Variants in SPHKAP observed in about 807,000 individuals in gnomAD.
SPHKAP encodes A-kinase anchor protein SPHKAP.
SPHKAP carries 67 observed loss-of-function variants against 137.5 expected under a neutral mutation model. That is an observed-to-expected ratio of 0.49 (90% CI 0.40 to 0.60). The LOEUF (loss-of-function observed/expected upper bound fraction) is 0.60, where lower values mean the gene tolerates loss of function less well. Ranked by LOEUF, SPHKAP falls within the 20% of genes least tolerant of loss-of-function variation. The pLI is 0.00. For synonymous variants in SPHKAP, 813 were observed against 785.3 expected (o/e 1.04, Z -0.59); for missense variants, 2,097 against 2,069.3 (o/e 1.01, Z -0.26).
chr2:228,056,709 G>A (rs968943618), intron 3 of SPHKAP, among the ~76,000 whole-genome samples: 6 of 152,012 alleles, frequency 3.9e-5, no homozygotes, highest in African/African-American at 1.4e-4. Context: ...ATAGAGTATT[G>A]GCAAATGTGC....
chr2:228,130,519 G>A (rs930812581), intron 2 of SPHKAP, among the ~76,000 whole-genome samples: 2 of 152,172 alleles, frequency 1.3e-5, no homozygotes, highest in Admixed American at 6.5e-5. Context: ...AAGTAATGAT[G>A]AAACTGGCTG....
chr2:228,040,284 A>G (rs1285699321), intron 3 of SPHKAP, among the ~76,000 whole-genome samples: 2 of 152,180 alleles, frequency 1.3e-5, no homozygotes, highest in East Asian at 3.8e-4. Context: ...TGATTCACAA[A>G]GCGTCTAAAG....
At chr2:228,101,461 G>A (rs1355012925) in intron 3 of SPHKAP, among the ~76,000 whole-genome samples, 1 of 152,104 alleles carries the variant, frequency 6.6e-6, no homozygotes, top group Non-Finnish European at 1.5e-5. Context: ...GATGTCCAAA[G>A]TTTATTTCAC....
chr2:228,109,627 A>G (rs1473751660), intron 2 of SPHKAP, among the ~76,000 whole-genome samples: 3 of 152,176 alleles, frequency 2.0e-5, no homozygotes, highest in Admixed American at 2.0e-4. Flanking sequence ...GAGCTGAGAT[A>G]TTTTGAAGAT....
rs144403532 is a variant in SPHKAP at position 228,019,237 on chromosome 2, T to C, written c.1617A>G (p.Gln539=). 1.5e-5 allele frequency: 25 copies of C among 1,613,822 alleles called. No homozygotes were observed. The highest frequency in any genetic ancestry group is 2.0e-5 in the Non-Finnish European group (24 of 1,180,032). The stretch of plus-strand genomic sequence containing the variant: ...AAGGTTCCTTGAGTCCTTGGGGTGC[T>C]TGAGTTTGCAGTGCACCACTGCTCC... ...PPGSSGALQT[Q]APQGLKEPSI... Residue 539 remains glutamine (Q), a synonymous_variant, in exon 7 of 12, where the codon CAA becomes CAG. Coordinates refer to ENST00000392056, the MANE Select transcript of SPHKAP (RefSeq NM_001142644.2).
chr2:228,000,183 A>T (rs149090401), intron 7 of SPHKAP, among the ~76,000 whole-genome samples: 1 of 152,344 alleles, frequency 6.6e-6, no homozygotes, highest in African/African-American at 2.4e-5. Flanking sequence ...TAGCGTCTTA[A>T]GATTGGCAAC....
intron 1 of SPHKAP, among the ~76,000 whole-genome samples, chr2:228,141,015 A>T (rs4519515): frequency 5.1e-4 from 78 of 152,134 alleles, no homozygotes; most frequent in African/African-American, 1.8e-3. Flanking sequence ...CAGCCTAATA[A>T]GACAAGATTA....
chr2:227,984,053 C>A (rs1693111380), intron 11 of SPHKAP, among the ~76,000 whole-genome samples: 1 of 152,026 alleles, frequency 6.6e-6, no homozygotes, highest in Non-Finnish European at 1.5e-5. Context: ...GTAATCCTGG[C>A]ACTTTGGGAG....
intron 3 of SPHKAP, among the ~76,000 whole-genome samples, chr2:228,108,168 A>T (rs545127142): frequency 6.6e-6 from 1 of 152,302 alleles, no homozygotes; most frequent in South Asian, 2.1e-4. Context: ...AATCTCTGTA[A>T]TCATGACCCC....
chr2:228,039,747 CAG>C (rs1473214366), intron 3 of SPHKAP, among the ~76,000 whole-genome samples: 3 of 151,840 alleles, frequency 2.0e-5, no homozygotes, highest in Non-Finnish European at 4.4e-5. Flanking sequence ...CAGACAAAAT[CAG>C]TGCTTTTATA....
At chr2:228,022,243 G>T (rs1694867949) in intron 5 of SPHKAP, 1 of 964,730 alleles carries the variant, frequency 1.0e-6, no homozygotes, top group Non-Finnish European at 1.2e-6. Context: ...ATTCAACTGG[G>T]TAAAGTTAAA....
In SPHKAP at chr2:227,981,699, A is replaced by C; in HGVS notation, c.*18T>G. On this transcript the variant is annotated 3_prime_UTR_variant, in exon 12 of 12. Transcript: ENST00000392056. ...TTGGAATAAAGGGAAGGAATGATCTATACGGCAGACTGCCTTATTATCCCA... is the reference window on the plus strand; with the variant it reads ...TTGGAATAAAGGGAAGGAATGATCTCTACGGCAGACTGCCTTATTATCCCA... 2.5e-6 allele frequency: 4 copies of C among 1,610,538 alleles called. No individual in the cohort carries two copies. The highest frequency in any genetic ancestry group is 3.4e-6 in the Non-Finnish European group (4 of 1,178,326).
chr2:228,017,550 A>G lies in SPHKAP; in HGVS notation c.3304T>C (p.Leu1102=). The change falls in exon 7 of 12, where the codon TTA becomes CTA. Residue 1102 remains leucine, a synonymous_variant. Transcript: ENST00000392056. ...EARAYVNSLG[L]MSTLSQPVSR... Reference sequence around the variant, plus strand: ...ACCGGCTGGCTCAGCGTGCTCATTAAGCCCAGGCTGTTGACATAGGCCCTG... The same window carrying G: ...ACCGGCTGGCTCAGCGTGCTCATTAGGCCCAGGCTGTTGACATAGGCCCTG... 1 of 1,613,508 alleles carries G rather than the reference A, an allele frequency of 6.2e-7. No individual in the cohort carries two copies. Among genetic ancestry groups the G allele is most frequent in the Non-Finnish European group, 8.5e-7 (1 of 1,179,894 alleles).
chr2:228,048,978 A>G (rs1696161513), intron 3 of SPHKAP, among the ~76,000 whole-genome samples: 1 of 152,164 alleles, frequency 6.6e-6, no homozygotes, highest in Non-Finnish European at 1.5e-5. Context: ...ACGCGATTGC[A>G]CTGACACCAA....
At chr2:228,036,455 C>G (rs1313067999) in intron 3 of SPHKAP, among the ~76,000 whole-genome samples, 1 of 152,174 alleles carries the variant, frequency 6.6e-6, no homozygotes, top group Admixed American at 6.5e-5. Context: ...CTAGTTCAAC[C>G]ATTGTGGAAG....
At chr2:228,003,885 A>AC (rs1694011274) in intron 7 of SPHKAP, among the ~76,000 whole-genome samples, 1 of 152,170 alleles carries the variant, frequency 6.6e-6, no homozygotes, top group Non-Finnish European at 1.5e-5. Flanking sequence ...CGTATGTTGA[A>AC]CCAGCCTTGC....
intron 1 of SPHKAP, among the ~76,000 whole-genome samples, chr2:228,163,618 G>A (rs529517001): frequency 2.6e-5 from 4 of 152,250 alleles, no homozygotes; most frequent in Admixed American, 6.5e-5. Context: ...GTGTTTGCAG[G>A]TGTGGGCAGT....
At chr2:228,126,994 G>A (rs915907669) in intron 2 of SPHKAP, among the ~76,000 whole-genome samples, 2 of 152,104 alleles carry the variant, frequency 1.3e-5, no homozygotes, top group African/African-American at 4.8e-5. Context: ...TCTCTCACCA[G>A]TTAATTTAGC....
chr2:227,998,928 C>T (rs1693739665), intron 7 of SPHKAP, among the ~76,000 whole-genome samples: 1 of 152,170 alleles, frequency 6.6e-6, no homozygotes, highest in South Asian at 2.1e-4. Flanking sequence ...GGGAATACAA[C>T]CTAAGACAGG....
Sources: gnomAD v4.1 joint callset for allele counts (sites outside exome capture counted in the v4.1 genomes callset) on GRCh38, gnomAD v4.1.1 for gene constraint, MANE v1.5 for transcripts, NCBI Gene and HGNC (gene_info 2026-07-23, HGNC 2026-07-21) for gene names.